HDAC4: variants seen among roughly 807,000 people sequenced by gnomAD.
The protein encoded by HDAC4 is histone deacetylase A.
Under a neutral mutation model 135.1 loss-of-function variants are expected in HDAC4, and 16 were observed. That is an observed-to-expected ratio of 0.12 (90% CI 0.08 to 0.18). The LOEUF is 0.18. Ranked by LOEUF, HDAC4 falls within the 10% of genes least tolerant of loss-of-function variation. HDAC4 has a pLI of 1.00. For missense variants in HDAC4, 1,143 were observed against 1,511.8 expected, an observed-to-expected ratio of 0.76 and a Z score of 4.05; for synonymous variants, 685 against 653.4, an observed-to-expected ratio of 1.05 and a Z score of -0.74.
chr2:239,392,655 T>C (rs1238880066), intron 1 of HDAC4, among the ~76,000 whole-genome samples: 1 of 152,128 alleles, frequency 6.6e-6, no homozygotes, highest in Non-Finnish European at 1.5e-5. Context: ...TCAGCCTCCT[T>C]AGAACACTCT....
At chr2:239,367,196 A>G (rs1694276563) in intron 1 of HDAC4, among the ~76,000 whole-genome samples, 3 of 152,104 alleles carry the variant, frequency 2.0e-5, no homozygotes, top group Admixed American at 2.0e-4. Context: ...ATTTTTGTTC[A>G]TAATAGAAAA....
In HDAC4 at chr2:239,051,147, C is replaced by A. The variant is rs1231491821; in HGVS notation, c.*1950G>T. ...CAAGCCTCCCAGGGTGGCCGGGCAT[C>A]CTAAGCAACCCTCCCTGCCCTTGCC... On this transcript the variant is annotated 3_prime_UTR_variant, in exon 27 of 27. Coordinates refer to ENST00000543185, the MANE Select transcript of HDAC4 (RefSeq NM_001378414.1). 6.6e-6 allele frequency: 1 copy of A among 152,606 alleles called. No homozygotes were observed. The highest frequency in any genetic ancestry group is 1.5e-5 in the Non-Finnish European group (1 of 68,040). The allele number at this position is 152,606 out of a possible 1,614,324, so 9.5% of individuals were successfully genotyped here. A position where few individuals can be genotyped will look rare whatever the true frequency, so the allele number is the denominator to read the frequency against.
At chr2:239,226,352 C>G in intron 3 of HDAC4, among the ~76,000 whole-genome samples, 1 of 152,126 alleles carries the variant, frequency 6.6e-6, no homozygotes, top group Non-Finnish European at 1.5e-5. Context: ...CTGAGAGATA[C>G]TCAGTGAGAT....
rs1170638421 is a variant in HDAC4 at position 239,068,357 on chromosome 2, T to A, written c.2869+132A>T. ...CCAAATGGACTGGTTCCCAGTACGG[T>A]CAGAACCTTGGTCATTAGTAAAAAG... On this transcript the variant is annotated intron_variant, in intron 23 of 26. Transcript: ENST00000543185. The surrounding 1 kb of genome is among the most constrained non-coding windows in gnomAD (Gnocchi z 4.4). 2 of 702,010 alleles carry A rather than the reference T, an allele frequency of 2.8e-6. No individual in the cohort carries two copies. Among genetic ancestry groups the A allele is most frequent in the East Asian group, 2.7e-5 (1 of 36,758 alleles). The allele number at this position is 702,010 out of a possible 1,614,324, so 43.5% of individuals were successfully genotyped here.
intron 16 of HDAC4, among the ~76,000 whole-genome samples, chr2:239,096,118 A>G (rs2037003277): frequency 6.6e-6 from 1 of 152,116 alleles, no homozygotes; most frequent in African/African-American, 2.4e-5. Flanking sequence ...GCCGGGGGCC[A>G]TAGGAAGGAG....
chr2:239,263,371 T>C (rs1016755560), intron 2 of HDAC4, among the ~76,000 whole-genome samples: 1 of 138,186 alleles, frequency 7.2e-6, no homozygotes, highest in Non-Finnish European at 1.5e-5. Context: ...GCCCGCCCAG[T>C]CCCCTGCCTG....
chr2:239,074,004 G>A (rs1332557943), intron 22 of HDAC4, among the ~76,000 whole-genome samples: 2 of 148,026 alleles, frequency 1.4e-5, no homozygotes, highest in African/African-American at 5.0e-5. Flanking sequence ...GGACTGAGGG[G>A]GGCAGCAGGA....
chr2:239,231,942 C>A (rs1486203162), intron 3 of HDAC4, among the ~76,000 whole-genome samples: 4 of 142,932 alleles, frequency 2.8e-5, no homozygotes, highest in Admixed American at 2.1e-4. Flanking sequence ...TCTCCTCAAT[C>A]GAGGCTGCTG....
intron 1 of HDAC4, among the ~76,000 whole-genome samples, chr2:239,393,499 C>T (rs890702959): frequency 3.9e-5 from 6 of 152,238 alleles, no homozygotes; most frequent in Admixed American, 2.6e-4. Flanking sequence ...CGCACTCTGG[C>T]CTCAGAGACC....
At position 239,107,424 on chromosome 2, in the gene HDAC4, C is replaced by T. The variant is rs149108801; in HGVS notation, c.2112+626G>A. Among the ~76,000 whole-genome samples, 528 of 152,288 alleles carry T rather than the reference C, an allele frequency of 3.5e-3. 9 individuals are homozygous for T. The highest frequency in any genetic ancestry group is 0.029 in the East Asian group (149 of 5,160). On this transcript the variant is annotated intron_variant, in intron 15 of 26. Transcript: ENST00000543185. The stretch of plus-strand genomic sequence containing the variant: ...GGCACAGCCAGAGCTGCAGCATCCC[C>T]GAAGCCTCCTCGTGTGACTCAGCCA...
chr2:239,117,831 C>T (rs1321363303), intron 12 of HDAC4, among the ~76,000 whole-genome samples: 3 of 152,202 alleles, frequency 2.0e-5, no homozygotes. Context: ...AGAGGAGCTA[C>T]AGCGCGTGGA....
intron 2 of HDAC4, among the ~76,000 whole-genome samples, chr2:239,321,267 C>A (rs1559362637): frequency 6.6e-6 from 1 of 152,024 alleles, no homozygotes; most frequent in Non-Finnish European, 1.5e-5. Flanking sequence ...AGATCGAGAC[C>A]ATCCTGGCTC....
At position 239,120,416 on chromosome 2, in the gene HDAC4, G is replaced by C. The variant is rs529063195; in HGVS notation, c.1534-5106C>G. On this transcript the variant is annotated intron_variant, in intron 12 of 26. Coordinates refer to ENST00000543185, the MANE Select transcript of HDAC4 (RefSeq NM_001378414.1). ...AGACGCACACAGACACACACACACA[G>C]ACACAGACAGATGCACAAATAGACA... 4.3e-3 allele frequency among the ~76,000 whole-genome samples: 567 copies of C among 133,166 alleles called. 7 individuals are homozygous for C. Among genetic ancestry groups the C allele is most frequent in the African/African-American group, 0.013 (487 of 36,916 alleles). The allele number at this position is 133,166 out of a possible 152,430, so 87.4% of individuals were successfully genotyped here.
intron 3 of HDAC4, among the ~76,000 whole-genome samples, chr2:239,225,885 G>A (rs902499221): frequency 6.0e-4 from 91 of 152,312 alleles, no homozygotes; most frequent in African/African-American, 2.1e-3. Context: ...ATCTTGCTGT[G>A]AGGTCCAGAA....
chr2:239,201,031 C>A (rs1447375923), intron 3 of HDAC4, among the ~76,000 whole-genome samples: 1 of 152,190 alleles, frequency 6.6e-6, no homozygotes, highest in Non-Finnish European at 1.5e-5. Context: ...ATCACAGGGC[C>A]TGGGGTGAAC....
At chr2:239,332,684 A>C (rs1289801170) in intron 2 of HDAC4, among the ~76,000 whole-genome samples, 1 of 152,054 alleles carries the variant, frequency 6.6e-6, no homozygotes, top group Non-Finnish European at 1.5e-5. Context: ...TAAAAACAAC[A>C]ACCCCAGCAA....
At chr2:239,355,013 C>A (rs1186591706) in intron 1 of HDAC4, among the ~76,000 whole-genome samples, 1 of 152,158 alleles carries the variant, frequency 6.6e-6, no homozygotes, top group Non-Finnish European at 1.5e-5. Flanking sequence ...TCAATTACAG[C>A]TTCTTTCCAG....
At position 239,076,148 on chromosome 2, in the gene HDAC4, C is replaced by T. The variant is rs375339930; in HGVS notation, c.2750+4947G>A. ...CGGGATAGCAGTAGCAGGCGGGTGCCGGGCCACTCTCCTGGGCTTCCCAGG... is the reference window on the plus strand; with the variant it reads ...CGGGATAGCAGTAGCAGGCGGGTGCTGGGCCACTCTCCTGGGCTTCCCAGG... On this transcript the variant is annotated intron_variant, in intron 22 of 26. Transcript: ENST00000543185. 3.3e-5 allele frequency among the ~76,000 whole-genome samples: 5 copies of T among 151,960 alleles called. No individual in the cohort carries two copies. In the East Asian group the frequency reaches 9.7e-4, roughly 30 times the overall value.
At chr2:239,089,792 T>C (rs1274186316) in intron 18 of HDAC4, 1 of 559,466 alleles carries the variant, frequency 1.8e-6, no homozygotes, top group Admixed American at 3.2e-5. Context: ...ACCCAAATCA[T>C]TGAGAATCTC....
Sources: gnomAD v4.1 joint callset for allele counts (sites outside exome capture counted in the v4.1 genomes callset) on GRCh38, gnomAD v4.1.1 for gene constraint, Gnocchi (gnomAD v3.1) non-coding constraint, MANE v1.5 for transcripts, NCBI Gene and HGNC (gene_info 2026-07-23, HGNC 2026-07-21) for gene names.